BIRC5: variants seen among roughly 807,000 people sequenced by gnomAD.
The protein encoded by BIRC5 is baculoviral IAP repeat containing 5, also known as baculoviral IAP repeat-containing protein 5.
A neutral mutation model predicts 15.8 loss-of-function variants in BIRC5; 8 were observed. That is an observed-to-expected ratio of 0.51 (90% CI 0.30 to 0.91). The LOEUF is 0.91. Among genes scored for constraint, BIRC5 ranks in the 40% least tolerant of loss-of-function variants. The pLI is 0.07. For synonymous variants in BIRC5, 56 were observed against 64.5 expected (o/e 0.87, Z 0.63); for missense variants, 163 against 178.6 (o/e 0.91, Z 0.50).
intron 2 of BIRC5, 124 bp from the exon 3 acceptor site, chr17:78,216,540 G>A (rs1599028457): frequency 1.3e-6 from 1 of 761,340 alleles, no homozygotes; most frequent in Non-Finnish European, 2.2e-6. Context: ...CTTCAGACTT[G>A]ACGTCTTACT....
intron 3 of BIRC5, among the ~76,000 whole-genome samples, chr17:78,222,418 G>C (rs1227955758): frequency 2.6e-5 from 4 of 152,200 alleles, no homozygotes; most frequent in African/African-American, 9.6e-5. Context: ...TGTAATCCCA[G>C]CACTTTGGGA....
At position 78,222,202 on chromosome 17, in the gene BIRC5, T is replaced by TAA. The variant is rs201091966; in HGVS notation, c.340-1251_340-1250dup. ...GGATGACAGAGCGAGACCCTGTCTC[T>TAA]AAAAAAAAAAAAACCAAACGGTGCA... On this transcript the variant is annotated intron_variant, in intron 3 of 3. Coordinates refer to ENST00000350051, the MANE Select transcript of BIRC5 (RefSeq NM_001168.3). 3.6e-3 allele frequency among the ~76,000 whole-genome samples: 512 copies of TAA among 141,876 alleles called. 5 individuals are homozygous for TAA. The highest frequency in any genetic ancestry group is 0.026 in the East Asian group (128 of 4,934). 93.1% of individuals were successfully genotyped at this position (141,876 alleles called of 152,430 possible).
At chr17:78,214,509 G>A (rs1170117063) in intron 1 of BIRC5, 82 bp downstream of exon 1, 9 of 1,364,810 alleles carry the variant, frequency 6.6e-6, no homozygotes, top group Non-Finnish European at 2.9e-6. Flanking sequence ...GGCCTCGGGG[G>A]TACAAGCCGC....
chr17:78,221,173 G>A (rs2076512845), intron 3 of BIRC5, among the ~76,000 whole-genome samples: 5 of 152,234 alleles, frequency 3.3e-5, no homozygotes, highest in Admixed American at 3.3e-4. Flanking sequence ...CTTCATAAGA[G>A]TTTACTTGGT....
At chr17:78,215,959 C>T (rs780548681) in intron 2 of BIRC5, 14 of 1,065,696 alleles carry the variant, frequency 1.3e-5, no homozygotes, top group Non-Finnish European at 1.6e-5. Context: ...GCCCTTAATC[C>T]TTACAGTGGG....
chr17:78,222,623 C>T (rs2076522765), intron 3 of BIRC5, among the ~76,000 whole-genome samples: 1 of 152,204 alleles, frequency 6.6e-6, no homozygotes, highest in Admixed American at 6.5e-5. Context: ...CAAGATCGTG[C>T]CTTTGCACAC....
intron 3 of BIRC5, chr17:78,222,678 ATTTTT>A: frequency 8.3e-7 from 1 of 1,207,322 alleles, no homozygotes; most frequent in Non-Finnish European, 1.1e-6. Context: ...AAAAAAAGTA[ATTTTT>A]TTTAAGTTAA....
intron 3 of BIRC5, among the ~76,000 whole-genome samples, chr17:78,220,158 G>A (rs2076505229): frequency 6.8e-6 from 1 of 148,144 alleles, no homozygotes; most frequent in African/African-American, 2.5e-5. Flanking sequence ...GCCGGGCATG[G>A]TGGCTCACGC....
At chr17:78,215,146 A>G (rs557494203) in intron 2 of BIRC5, 69 of 189,392 alleles carry the variant, frequency 3.6e-4, no homozygotes, top group Non-Finnish European at 6.3e-4. Context: ...CACAAAAATT[A>G]CCCTTTGAAA....
Position 78,223,819 on chromosome 17 carries a change from G to A in BIRC5, c.*265G>A. ...TTTGGGGGCTCATTTTTGCTGTTTTGATTCCCGGGCTTACCAGGTGAGAAG... is the reference window on the plus strand; with the variant it reads ...TTTGGGGGCTCATTTTTGCTGTTTTAATTCCCGGGCTTACCAGGTGAGAAG... On this transcript the variant is annotated 3_prime_UTR_variant, in exon 4 of 4. Transcript: ENST00000350051. 1.5e-6 allele frequency: 1 copy of A among 683,710 alleles called. No individual in the cohort carries two copies. The highest frequency in any genetic ancestry group is 2.3e-6 in the Non-Finnish European group (1 of 439,786). 42.4% of individuals were successfully genotyped at this position (683,710 alleles called of 1,614,324 possible).
intron 3 of BIRC5, among the ~76,000 whole-genome samples, chr17:78,219,046 G>A (rs1016332534): frequency 6.6e-6 from 1 of 152,176 alleles, no homozygotes; most frequent in Non-Finnish European, 1.5e-5. Context: ...TGCAGACTTT[G>A]AGTTTAAGCC....
At chr17:78,222,823 C>T in intron 3 of BIRC5, 1 of 1,535,958 alleles carries the variant, frequency 6.5e-7, no homozygotes. Flanking sequence ...TCATTTGCCC[C>T]TTAGGAGAGA....
chr17:78,223,166 G>A (rs2076526586), intron 3 of BIRC5, among the ~76,000 whole-genome samples: 1 of 152,196 alleles, frequency 6.6e-6, no homozygotes, highest in Non-Finnish European at 1.5e-5. Flanking sequence ...ACCCAGCGCA[G>A]GATCACTGTG....
At chr17:78,218,821 G>A (rs911869204) in intron 3 of BIRC5, among the ~76,000 whole-genome samples, 1 of 152,058 alleles carries the variant, frequency 6.6e-6, no homozygotes, top group Non-Finnish European at 1.5e-5. Flanking sequence ...TGGCCAGGCT[G>A]GTCTCAAACT....
chr17:78,220,594 G>A (rs1467450897), intron 3 of BIRC5, among the ~76,000 whole-genome samples: 2 of 152,094 alleles, frequency 1.3e-5, no homozygotes, highest in African/African-American at 2.4e-5. Flanking sequence ...AGAAAAGTAG[G>A]GAGATTTAAA....
intron 3 of BIRC5, among the ~76,000 whole-genome samples, chr17:78,221,059 G>C (rs1230022859): frequency 6.6e-6 from 1 of 152,242 alleles, no homozygotes; most frequent in African/African-American, 2.4e-5. Flanking sequence ...TGTTCCTGCT[G>C]CTGCCTCGGT....
intron 2 of BIRC5, chr17:78,216,111 T>C (rs1344409132): frequency 2.9e-6 from 1 of 340,890 alleles, no homozygotes; most frequent in Non-Finnish European, 4.2e-6. Flanking sequence ...TAGCCGGGCG[T>C]GGTGGTGGGC....
At chr17:78,216,248 CAAA>C (rs55850455) in intron 2 of BIRC5, 29 of 89,976 alleles carry the variant, frequency 3.2e-4, no homozygotes, top group South Asian at 1.9e-3. Context: ...GACTCCGTCT[CAAA>C]AAAAAAAAAA....
At chr17:78,216,474 G>C in intron 2 of BIRC5, 190 bp from the exon 3 acceptor site, 1 of 555,896 alleles carries the variant, frequency 1.8e-6, no homozygotes, top group South Asian at 2.0e-5. Flanking sequence ...GGAGAGAGAA[G>C]GTGCTAAGAG....
Sources: allele counts gnomAD v4.1 joint callset (sites outside exome capture counted in the v4.1 genomes callset), GRCh38; gene constraint gnomAD v4.1.1; transcripts MANE v1.5; gene names NCBI Gene and HGNC (gene_info 2026-07-23, HGNC 2026-07-21).